The following FBLN7 variants were observed in gnomAD, a reference collection of about 807,000 sequenced individuals.
The protein encoded by FBLN7 is fibulin-7.
Under a neutral mutation model 44.0 loss-of-function variants are expected in FBLN7, and 31 were observed. That is an observed-to-expected ratio of 0.70 (90% CI 0.53 to 0.95). The LOEUF is 0.95. Ranked by LOEUF, FBLN7 falls within the 40% of genes least tolerant of loss-of-function variation. The pLI is 0.00. For synonymous variants in FBLN7, 262 were observed against 253.4 expected, an observed-to-expected ratio of 1.03 and a Z score of -0.32; for missense variants, 573 against 618.5, an observed-to-expected ratio of 0.93 and a Z score of 0.78.
the FBLN7 span, among the ~76,000 whole-genome samples, chr2:112,219,893 T>G: frequency 6.6e-6 from 1 of 152,220 alleles, no homozygotes. Context: ...TATTGTGTGG[T>G]TATTTAAGTC....
chr2:112,179,700 C>T (rs902351836), intron 4 of FBLN7, among the ~76,000 whole-genome samples: 1 of 152,174 alleles, frequency 6.6e-6, no homozygotes, highest in Non-Finnish European at 1.5e-5. Context: ...ACATCTATGA[C>T]CATCTGATCT....
At chr2:112,149,541 GGCACA>G in intron 1 of FBLN7, among the ~76,000 whole-genome samples, 1 of 152,060 alleles carries the variant, frequency 6.6e-6, no homozygotes, top group Non-Finnish European at 1.5e-5. Context: ...CCATTGTTTG[GGCACA>G]GCTGTTGACA....
intron 4 of FBLN7, chr2:112,177,506 A>T (rs1165404280): frequency 6.6e-6 from 1 of 152,116 alleles, no homozygotes; most frequent in Non-Finnish European, 1.5e-5. Flanking sequence ...TTAAAAATCC[A>T]TTCACCCTAT....
chr2:112,226,703 A>G, the FBLN7 span, among the ~76,000 whole-genome samples: 1 of 152,036 alleles, frequency 6.6e-6, no homozygotes, highest in Non-Finnish European at 1.5e-5. Flanking sequence ...ACACCTTTCA[A>G]CTCATTCTAG....
intron 1 of FBLN7, among the ~76,000 whole-genome samples, chr2:112,151,028 C>T (rs1260958671): frequency 3.3e-5 from 5 of 152,136 alleles, no homozygotes; most frequent in African/African-American, 4.8e-5. Context: ...AGTGGAAAGA[C>T]AACTCTAGAG....
Position 112,165,187 on chromosome 2 carries a change from C to T in FBLN7, c.406+16C>T, listed in dbSNP as rs371729347. The T allele has an allele frequency of 8.7e-6, 14 of 1,613,184 alleles. No homozygotes were observed. Among genetic ancestry groups the T allele is most frequent in the Non-Finnish European group, 1.1e-5 (13 of 1,179,512 alleles). ...CACTGTAGAGGTATCGTCTCTCCTTCCCATCCCACTGCGCTGGACCCATCA... is the reference window on the plus strand; with the variant it reads ...CACTGTAGAGGTATCGTCTCTCCTTTCCATCCCACTGCGCTGGACCCATCA... On this transcript the variant is annotated intron_variant, in intron 3 of 7. Coordinates refer to ENST00000331203, the MANE Select transcript of FBLN7 (RefSeq NM_153214.3).
intron 1 of FBLN7, among the ~76,000 whole-genome samples, chr2:112,149,179 C>A (rs201394640): frequency 1.5e-5 from 2 of 135,726 alleles, no homozygotes; most frequent in South Asian, 4.5e-4. Context: ...CTGTCAAGGG[C>A]AGCCCTGATT....
At chr2:112,171,340 G>A (rs1446268641) in intron 3 of FBLN7, among the ~76,000 whole-genome samples, 2 of 152,064 alleles carry the variant, frequency 1.3e-5, no homozygotes, top group African/African-American at 2.4e-5. Flanking sequence ...GGAGGAGGGC[G>A]AAAGGAGACA....
the FBLN7 span, among the ~76,000 whole-genome samples, chr2:112,224,815 G>GAGAA: frequency 6.6e-6 from 1 of 152,220 alleles, no homozygotes; most frequent in Admixed American, 6.5e-5. Flanking sequence ...TAAGGTCTGA[G>GAGAA]AGAAGGAGAA....
At chr2:112,141,491 T>C (rs1033809418) in intron 1 of FBLN7, among the ~76,000 whole-genome samples, 1 of 152,158 alleles carries the variant, frequency 6.6e-6, no homozygotes, top group African/African-American at 2.4e-5. Context: ...GTGGTGATGT[T>C]AGTGCAGAAG....
the FBLN7 span, among the ~76,000 whole-genome samples, chr2:112,205,374 A>G: frequency 6.6e-6 from 1 of 152,088 alleles, no homozygotes; most frequent in African/African-American, 2.4e-5. Flanking sequence ...GGACTGTTAT[A>G]TATGCATACA....
chr2:112,197,272 C>CAG, the FBLN7 span, among the ~76,000 whole-genome samples: 8 of 119,840 alleles, frequency 6.7e-5, no homozygotes, highest in East Asian at 4.4e-4. Flanking sequence ...CACACACACA[C>CAG]ACAGAGAGAG....
At chr2:112,160,305 T>TGTAA (rs942449444) in intron 2 of FBLN7, among the ~76,000 whole-genome samples, 3 of 152,300 alleles carry the variant, frequency 2.0e-5, no homozygotes, top group African/African-American at 7.2e-5. Flanking sequence ...GTGGCCCATT[T>TGTAA]GTAAGCCTGG....
the FBLN7 span, among the ~76,000 whole-genome samples, chr2:112,209,238 T>C: frequency 6.6e-6 from 1 of 152,050 alleles, no homozygotes; most frequent in Non-Finnish European, 1.5e-5. Flanking sequence ...AATGAAAACA[T>C]GGTGCTTTTT....
chr2:112,211,694 G>A, the FBLN7 span: 1 of 152,072 alleles, frequency 6.6e-6, no homozygotes, highest in African/African-American at 2.4e-5. Flanking sequence ...ATATATTCCA[G>A]TTTCAGAGAT....
chr2:112,211,821 G>A, the FBLN7 span: 1 of 152,044 alleles, frequency 6.6e-6, no homozygotes, highest in African/African-American at 2.4e-5. Context: ...GTAAATGAGT[G>A]TTACAAATTT....
Position 112,187,749 on chromosome 2 carries a change from A to G in FBLN7, c.*243A>G, listed in dbSNP as rs74839038. ...TTGAGGCCCTTCCCTTAGATTATGC[A>G]CTAACTTTCTTAAAACTTTTTCATC... On this transcript the variant is annotated 3_prime_UTR_variant, in exon 8 of 8. Coordinates refer to ENST00000331203, the MANE Select transcript of FBLN7 (RefSeq NM_153214.3). The surrounding 1 kb of genome is among the most constrained non-coding windows in gnomAD (Gnocchi z 5.1). 165 of 538,266 alleles carry G rather than the reference A, an allele frequency of 3.1e-4. 1 individual carries two copies. In the East Asian group the frequency reaches 4.8e-3, roughly 16 times the overall value. The allele number at this position is 538,266 out of a possible 1,614,324, so 33.3% of individuals were successfully genotyped here.
At chr2:112,239,508 C>A in the FBLN7 span, among the ~76,000 whole-genome samples, 1 of 144,244 alleles carries the variant, frequency 6.9e-6, no homozygotes, top group African/African-American at 2.6e-5. Context: ...AAACTCAAAA[C>A]AAACAGACAA....
At chr2:112,148,824 T>C (rs1681007708) in intron 1 of FBLN7, among the ~76,000 whole-genome samples, 1 of 152,212 alleles carries the variant, frequency 6.6e-6, no homozygotes, top group South Asian at 2.1e-4. Context: ...CACAGACTTC[T>C]TGAGACCCAG....
Sources: allele counts gnomAD v4.1 joint callset (sites outside exome capture counted in the v4.1 genomes callset), GRCh38; gene constraint gnomAD v4.1.1; non-coding constraint Gnocchi (gnomAD v3.1); transcripts MANE v1.5; gene names NCBI Gene and HGNC (gene_info 2026-07-23, HGNC 2026-07-21).